UGT2B10: variants seen among roughly 807,000 people sequenced by gnomAD.
UGT2B10 encodes UDP-glucuronosyltransferase 2B10.
UGT2B10 carries 51 observed loss-of-function variants against 43.7 expected under a neutral mutation model. The observed-to-expected ratio is 1.17, with a 90% CI of 0.93 to 1.47. UGT2B10 has a LOEUF of 1.47. UGT2B10 is among the 40% of genes most tolerant of loss of function. UGT2B10 has a pLI of 0.00. For synonymous variants in UGT2B10, 225 were observed against 209.0 expected, an observed-to-expected ratio of 1.08 and a Z score of -0.66; for missense variants, 696 against 617.7, an observed-to-expected ratio of 1.13 and a Z score of -1.34.
intron 5 of UGT2B10, among the ~76,000 whole-genome samples, chr4:68,828,330 GTATAA>G (rs1402547046): frequency 6.6e-6 from 1 of 151,474 alleles, no homozygotes; most frequent in East Asian, 1.9e-4. Context: ...TTTTACACTT[GTATAA>G]TATTTTTTAA....
intron 1 of UGT2B10, 118 bp from the exon 2 acceptor site, chr4:68,817,911 T>C: frequency 8.2e-7 from 1 of 1,222,130 alleles, no homozygotes; most frequent in Non-Finnish European, 1.1e-6. Context: ...TGTACATATT[T>C]TTCAAAGCAC....
Position 68,826,509 on chromosome 4 carries a change from G to T in UGT2B10, c.1087+12G>T, listed in dbSNP as rs1239882013. 6.2e-6 allele frequency: 10 copies of T among 1,609,182 alleles called. No homozygotes were observed. Among genetic ancestry groups the T allele is most frequent in the Non-Finnish European group, 5.9e-6 (7 of 1,177,138 alleles). On this transcript the variant is annotated intron_variant, in intron 4 of 5. Transcript: ENST00000265403. ...GAATGACCTTCTAGGTAACACTCTG[G>T]TGAACAATACTGGATATATTAGTAA...
In UGT2B10 at chr4:68,816,613, A is replaced by G. The variant is rs748290511; in HGVS notation, c.594A>G (p.Ser198=). 1.2e-6 allele frequency: 2 copies of G among 1,612,998 alleles called. No homozygotes were observed. Among genetic ancestry groups the G allele is most frequent in the Non-Finnish European group, 1.7e-6 (2 of 1,179,318 alleles). ...FPPSYVPVVM[S]KLSDQMTFME... ...CTTCCTACGTACCTGTTGTTATGTC[A>G]AAATTAAGTGATCAAATGACTTTCA... is the stretch of plus-strand genomic sequence containing the variant. Residue 198 remains serine, a synonymous_variant, in exon 1 of 6, where the codon TCA becomes TCG. Transcript: ENST00000265403.
At chr4:68,820,334 T>A (rs1311414406) in intron 2 of UGT2B10, among the ~76,000 whole-genome samples, 4 of 152,094 alleles carry the variant, frequency 2.6e-5, no homozygotes, top group Non-Finnish European at 4.4e-5. Flanking sequence ...GATTCTCAGA[T>A]AATTTCTATA....
chr4:68,827,647 G>A (rs1406244643), intron 5 of UGT2B10, 99 bp downstream of exon 5: 4 of 1,530,514 alleles, frequency 2.6e-6, no homozygotes, highest in Non-Finnish European at 3.5e-6. Context: ...GAGTGATTTT[G>A]AAAGAATTTA....
At position 68,831,371 on chromosome 4, in the gene UGT2B10, G is replaced by A. The variant is rs1020990232; in HGVS notation, c.*492G>A. 1.3e-5 allele frequency among the ~76,000 whole-genome samples: 2 copies of A among 152,014 alleles called. No individual in the cohort carries two copies. Among genetic ancestry groups the A allele is most frequent in the African/African-American group, 4.8e-5 (2 of 41,410 alleles). ...GCATCCCAAAGGGATGAGATTACAG[G>A]TATGTACCACCATAACTTTACAAAA... On this transcript the variant is annotated 3_prime_UTR_variant, in exon 6 of 6. Transcript: ENST00000265403.
intron 2 of UGT2B10, among the ~76,000 whole-genome samples, chr4:68,819,216 G>A (rs1737375205): frequency 6.6e-6 from 1 of 151,854 alleles, no homozygotes; most frequent in African/African-American, 2.4e-5. Context: ...TGCAATTATG[G>A]TTATTTTATT....
At chr4:68,819,054 G>C (rs539152083) in intron 2 of UGT2B10, among the ~76,000 whole-genome samples, 29 of 151,986 alleles carry the variant, frequency 1.9e-4, no homozygotes, top group African/African-American at 6.5e-4. Context: ...TGATGAAAAA[G>C]TGGACTACAC....
At chr4:68,823,991 G>C (rs1198063487) in intron 3 of UGT2B10, among the ~76,000 whole-genome samples, 4 of 152,136 alleles carry the variant, frequency 2.6e-5, no homozygotes, top group Non-Finnish European at 5.9e-5. Flanking sequence ...TGAGGGCACT[G>C]TACACACTAC....
chr4:68,825,162 C>T (rs538470399), intron 3 of UGT2B10, among the ~76,000 whole-genome samples: 119 of 151,770 alleles, frequency 7.8e-4, no homozygotes, highest in African/African-American at 2.4e-3. Flanking sequence ...CAAAAAGAAA[C>T]GAATACATTA....
intron 1 of UGT2B10, among the ~76,000 whole-genome samples, chr4:68,817,695 T>C (rs1214522687): frequency 1.3e-5 from 2 of 151,720 alleles, no homozygotes; most frequent in Non-Finnish European, 3.0e-5. Flanking sequence ...TGTTTAAATA[T>C]CTAGAGGCTA....
At chr4:68,818,484 T>G (rs1360555819) in intron 2 of UGT2B10, among the ~76,000 whole-genome samples, 1 of 151,788 alleles carries the variant, frequency 6.6e-6, no homozygotes, top group African/African-American at 2.4e-5. Flanking sequence ...AAAGAGATTA[T>G]CACAAAACAC....
At chr4:68,822,232 T>C in intron 2 of UGT2B10, 39 bp from the exon 3 acceptor site, 1 of 1,605,424 alleles carries the variant, frequency 6.2e-7, no homozygotes, top group Admixed American at 1.7e-5. Flanking sequence ...GCTGTGGTGA[T>C]ACTCTTTTAT....
intron 5 of UGT2B10, among the ~76,000 whole-genome samples, chr4:68,828,899 T>C (rs1560421240): frequency 6.6e-6 from 1 of 151,794 alleles, no homozygotes; most frequent in Non-Finnish European, 1.5e-5. Context: ...AGGTTATAAA[T>C]ACTATTACTA....
chr4:68,817,830 C>G (rs1737290569), intron 1 of UGT2B10, among the ~76,000 whole-genome samples, 199 bp from the exon 2 acceptor site: 1 of 151,608 alleles, frequency 6.6e-6, no homozygotes, highest in African/African-American at 2.4e-5. Context: ...CACTACTTTG[C>G]CTTTCTTATA....
Position 68,818,143 on chromosome 4 carries a change from G to A in UGT2B10, c.833G>A (p.Gly278Glu). ...PFLPNVDFVG[G>E]LHCKPAKPLP... is the part of the protein sequence containing the mutation. ...TTACCAAATGTTGATTTTGTTGGAG[G>A]ACTCCACTGCAAACCTGCCAAACCC... The change falls in exon 2 of 6, where the codon GGA becomes GAA. Residue 278 changes from glycine (G) to glutamate (E), a missense_variant. Transcript: ENST00000265403. 1.2e-6 allele frequency: 2 copies of A among 1,611,034 alleles called. No individual in the cohort carries two copies. Among genetic ancestry groups the A allele is most frequent in the Non-Finnish European group, 1.7e-6 (2 of 1,178,220 alleles).
Position 68,831,003 on chromosome 4 carries a change from A to G in UGT2B10, c.*124A>G, listed in dbSNP as rs1738072835. ...ACAAAAAAAAATCCTTTCGAAGTCT[A>G]CCTTGTCAAGTAAAAATTTGTTTTT... On this transcript the variant is annotated 3_prime_UTR_variant, in exon 6 of 6. Transcript: ENST00000265403. 4.5e-6 allele frequency: 6 copies of G among 1,345,530 alleles called. No homozygotes were observed. The highest frequency in any genetic ancestry group is 6.0e-6 in the Non-Finnish European group (6 of 998,800). The allele number at this position is 1,345,530 out of a possible 1,614,324, so 83.3% of individuals were successfully genotyped here. A position where few individuals can be genotyped will look rare whatever the true frequency, so the allele number is the denominator to read the frequency against.
At position 68,816,335 on chromosome 4, in the gene UGT2B10, T is replaced by G; in HGVS notation, c.316T>G (p.Leu106Val). 1 of 1,613,150 alleles carries G rather than the reference T, an allele frequency of 6.2e-7. No individual in the cohort carries two copies. Reference sequence around the variant, plus strand: ...AGAAATTCAAAAAGATACATTTTGGTTACCTTTTTCACAAGAACAAGAAAT... The same window carrying G: ...AGAAATTCAAAAAGATACATTTTGGGTACCTTTTTCACAAGAACAAGAAAT... ...LSEIQKDTFW[L>V]PFSQEQEILW... is the part of the protein sequence containing the mutation. Residue 106 changes from leucine (L) to valine (V), a missense_variant, in exon 1 of 6, where the codon TTA becomes GTA. By Grantham distance (32) the Leu-to-Val change is conservative (BLOSUM62 1). Transcript: ENST00000265403.
In UGT2B10 at chr4:68,826,507, T is replaced by C; in HGVS notation, c.1087+10T>C. The C allele has an allele frequency of 6.2e-7, 1 of 1,609,610 alleles. No homozygotes were observed. The highest frequency in any genetic ancestry group is 1.7e-5 in the Admixed American group (1 of 59,564). On this transcript the variant is annotated intron_variant, in intron 4 of 5. Transcript: ENST00000265403. ...CAGAATGACCTTCTAGGTAACACTC[T>C]GGTGAACAATACTGGATATATTAGT...
Sources: allele counts gnomAD v4.1 joint callset (sites outside exome capture counted in the v4.1 genomes callset), GRCh38; gene constraint gnomAD v4.1.1; transcripts MANE v1.5; gene names NCBI Gene and HGNC (gene_info 2026-07-23, HGNC 2026-07-21).